The following RSRC2 variants were observed in gnomAD, a reference collection of about 807,000 sequenced individuals.
The protein encoded by RSRC2 is arginine/serine-rich coiled-coil protein 2.
A neutral mutation model predicts 61.3 loss-of-function variants in RSRC2; 5 were observed. The ratio of observed to expected loss-of-function variants is 0.08; its 90% CI spans 0.04 to 0.17. The LOEUF is 0.17. Ranked by LOEUF, RSRC2 falls within the 10% of genes least tolerant of loss-of-function variation. The probability of loss-of-function intolerance (pLI) is 1.00; values close to 1 mark genes in which losing one functional copy is unlikely to be tolerated. For synonymous variants in RSRC2, 202 were observed against 166.5 expected, an observed-to-expected ratio of 1.21 and a Z score of -1.64; for missense variants, 381 against 518.8, an observed-to-expected ratio of 0.73 and a Z score of 2.58.
In RSRC2 at chr12:122,505,511, AC is replaced by A. The variant is rs762206849; in HGVS notation, c.*15del. 78 of 1,610,658 alleles carry A rather than the reference AC, an allele frequency of 4.8e-5. No individual in the cohort carries two copies. In the African/African-American group the frequency reaches 1.0e-3, roughly 21 times the overall value. ...AAGAAGTCTATAAGTCCCAAACTTT[AC>A]AAGTGTGATCATTTTCAAACTGCAT... On this transcript the variant is annotated 3_prime_UTR_variant, in exon 10 of 10. Transcript: ENST00000331738.
chr12:122,512,326 C>T (rs928938822), intron 6 of RSRC2, among the ~76,000 whole-genome samples: 10 of 152,230 alleles, frequency 6.6e-5, no homozygotes, highest in Admixed American at 2.6e-4. Flanking sequence ...ATGCCACTAA[C>T]GCCCTCTGTA....
At chr12:122,525,204 T>C (rs868265376) in intron 1 of RSRC2, among the ~76,000 whole-genome samples, 4 of 151,928 alleles carry the variant, frequency 2.6e-5, no homozygotes, top group Admixed American at 6.6e-5. Context: ...TGAAACCCCG[T>C]CTCTACCAAA....
chr12:122,525,268 C>A (rs553484208), intron 1 of RSRC2, among the ~76,000 whole-genome samples: 23 of 152,008 alleles, frequency 1.5e-4, no homozygotes, highest in South Asian at 2.1e-4. Context: ...CCCAGCTACT[C>A]GGGAGTCTGA....
At chr12:122,520,300 C>A (rs1182592555) in intron 3 of RSRC2, 7 of 331,622 alleles carry the variant, frequency 2.1e-5, no homozygotes, top group Admixed American at 4.3e-5. Flanking sequence ...TCTATAGGAG[C>A]TTAGAAAAGA....
chr12:122,515,622 G>A (rs77608147), intron 5 of RSRC2, among the ~76,000 whole-genome samples: 1 of 152,132 alleles, frequency 6.6e-6, no homozygotes, highest in African/African-American at 2.4e-5. Flanking sequence ...TATACCACAG[G>A]AATCATTCCT....
chr12:122,515,447 C>T (rs915771747), intron 5 of RSRC2, among the ~76,000 whole-genome samples: 1 of 152,132 alleles, frequency 6.6e-6, no homozygotes, highest in Non-Finnish European at 1.5e-5. Flanking sequence ...CACCATGTTG[C>T]CCAGGCTGGC....
chr12:122,516,445 G>C (rs1030685884), intron 5 of RSRC2, among the ~76,000 whole-genome samples: 12 of 152,128 alleles, frequency 7.9e-5, no homozygotes, highest in Non-Finnish European at 1.5e-4. Flanking sequence ...CATGGAATTT[G>C]CATTTAGATA....
intron 6 of RSRC2, among the ~76,000 whole-genome samples, chr12:122,512,450 C>T (rs576300633): frequency 3.3e-5 from 5 of 152,168 alleles, no homozygotes; most frequent in South Asian, 2.1e-4. Flanking sequence ...TAAGTCGGCC[C>T]GGCGCCACGC....
intron 4 of RSRC2, among the ~76,000 whole-genome samples, chr12:122,518,223 T>C (rs529303530): frequency 3.6e-4 from 54 of 151,962 alleles, no homozygotes; most frequent in African/African-American, 1.3e-3. Context: ...ACTTGAGCCC[T>C]GGAGGACAAG....
At chr12:122,523,591 A>G (rs1959579551) in intron 1 of RSRC2, 8 of 152,234 alleles carry the variant, frequency 5.3e-5, no homozygotes, top group Admixed American at 5.2e-4. Flanking sequence ...CACGTATAAC[A>G]TCAAACGGAA....
intron 2 of RSRC2, among the ~76,000 whole-genome samples, 170 bp from the exon 3 acceptor site, chr12:122,521,598 CA>C (rs1445882028): frequency 2.0e-5 from 3 of 152,116 alleles, no homozygotes; most frequent in Non-Finnish European, 2.9e-5. Context: ...ACATGTGAAA[CA>C]AATCAAGCAA....
chr12:122,522,304 A>C lies in RSRC2; in HGVS notation c.7-5T>G, dbSNP rs1454101420. The C allele has an allele frequency of 1.3e-6, 2 of 1,578,132 alleles. No homozygotes were observed. The highest frequency in any genetic ancestry group is 1.7e-6 in the Non-Finnish European group (2 of 1,168,988). The stretch of plus-strand genomic sequence containing the variant: ...ATCTCGCTCTGTATCACTAGCCTAA[A>C]AGTTTAAAAACAAATGATTAAAGTT... On this transcript the variant is annotated splice_region_variant and splice_polypyrimidine_tract_variant and intron_variant, in intron 1 of 9. Transcript: ENST00000331738.
At chr12:122,506,568 C>T in intron 9 of RSRC2, 1 of 349,910 alleles carries the variant, frequency 2.9e-6, no homozygotes, top group Non-Finnish European at 5.2e-6. Context: ...TATGACTGCA[C>T]CACTGTACTC....
intron 1 of RSRC2, 117 bp downstream of exon 1, chr12:122,526,731 C>T: frequency 2.5e-6 from 3 of 1,215,066 alleles, no homozygotes; most frequent in Non-Finnish European, 3.6e-6. Context: ...CAGAAGAAGG[C>T]CGCGGCGCCA....
chr12:122,507,652 G>A (rs555309389), intron 8 of RSRC2, among the ~76,000 whole-genome samples: 1 of 151,494 alleles, frequency 6.6e-6, no homozygotes, highest in Non-Finnish European at 1.5e-5. Context: ...TGGCAAATAA[G>A]ACTATCATAG....
intron 6 of RSRC2, chr12:122,514,805 A>T: frequency 1.2e-6 from 1 of 830,608 alleles, no homozygotes; most frequent in Non-Finnish European, 1.5e-6. Context: ...AACCAGATTT[A>T]AGACTCAAAA....
intron 7 of RSRC2, among the ~76,000 whole-genome samples, chr12:122,509,228 C>A (rs1326148153): frequency 1.3e-5 from 2 of 151,882 alleles, no homozygotes; most frequent in African/African-American, 2.4e-5. Flanking sequence ...ACAGGCGGAT[C>A]ACAAGGTCAG....
rs187405679 is a variant in RSRC2 at position 122,504,065 on chromosome 12, A to G, written c.*1462T>C. The G allele has an allele frequency of 1.3e-5, 2 of 152,080 alleles. No individual in the cohort carries two copies. Among genetic ancestry groups the G allele is most frequent in the Non-Finnish European group, 1.5e-5 (1 of 68,026 alleles). 9.4% of individuals were successfully genotyped at this position (152,080 alleles called of 1,614,324 possible). A position where few individuals can be genotyped will look rare whatever the true frequency, so the allele number is the denominator to read the frequency against. On this transcript the variant is annotated 3_prime_UTR_variant, in exon 10 of 10. Coordinates refer to ENST00000331738, the MANE Select transcript of RSRC2 (RefSeq NM_023012.6). ...CTAGGACAGAAAGCAAAAAAAAAGA[A>G]AACACCCCATTACTTCATTTTCATG...
intron 6 of RSRC2, among the ~76,000 whole-genome samples, chr12:122,513,244 T>TAAATAAAA (rs1392784240): frequency 7.2e-4 from 34 of 47,104 alleles, no homozygotes; most frequent in Admixed American, 1.7e-3. Flanking sequence ...AATAAATAAA[T>TAAATAAAA]AAAATAAAAT....
Sources: gnomAD v4.1 joint callset for allele counts (sites outside exome capture counted in the v4.1 genomes callset) on GRCh38, gnomAD v4.1.1 for gene constraint, MANE v1.5 for transcripts, NCBI Gene and HGNC (gene_info 2026-07-23, HGNC 2026-07-21) for gene names.